Variants in SARS2 observed in about 807,000 individuals in gnomAD.
The protein encoded by SARS2 is serine--tRNA ligase, mitochondrial.
SARS2 carries 52 observed loss-of-function variants against 66.8 expected under a neutral mutation model. That is an observed-to-expected ratio of 0.78 (90% CI 0.62 to 0.98). The LOEUF (loss-of-function observed/expected upper bound fraction) is 0.98. Ranked by LOEUF, SARS2 falls within the 50% of genes least tolerant of loss-of-function variation. The pLI is 0.00. For missense variants in SARS2, 673 were observed against 706.3 expected (o/e 0.95, Z 0.53); for synonymous variants, 306 against 281.4 (o/e 1.09, Z -0.87).
In SARS2 at chr19:38,920,154, A is replaced by T. The variant is rs370612303; in HGVS notation, c.590-5T>A. On this transcript the variant is annotated splice_polypyrimidine_tract_variant and splice_region_variant and intron_variant, in intron 5 of 15. Coordinates refer to ENST00000221431, the MANE Select transcript of SARS2 (RefSeq NM_017827.4). The stretch of plus-strand genomic sequence containing the variant: ...CCCGAGGTTGGAAGGAGAAAACTGG[A>T]TGTGGGTGAAAAGCACCGGTGTAAG... 1.1e-3 allele frequency: 1,656 copies of T among 1,557,704 alleles called. 17 individuals carry two copies. The South Asian group carries it at 0.011, about 10-fold the overall frequency.
chr19:38,917,988 C>G lies in SARS2; in HGVS notation c.983G>C (p.Cys328Ser). 1 of 1,603,584 alleles carries G rather than the reference C, an allele frequency of 6.2e-7. No individual in the cohort carries two copies. The highest frequency in any genetic ancestry group is 8.5e-7 in the Non-Finnish European group (1 of 1,174,762). ...LPVRMVCSST[C>S]YRAETNTGQE... ...TCCCGTGTTTGTCTCTGCCCGGTAG[C>G]AGGTGCTGGAGCAAACCATCCTGGC... Residue 328 changes from cysteine to serine, a missense_variant, in exon 11 of 16, where the codon TGC (cysteine) becomes TCC (serine). Cys to Ser is a moderately radical substitution (Grantham distance 112). Transcript: ENST00000221431.
At chr19:38,923,160 C>T (rs1225990742) in intron 2 of SARS2, among the ~76,000 whole-genome samples, 1 of 150,544 alleles carries the variant, frequency 6.6e-6, no homozygotes, top group African/African-American at 2.4e-5. Flanking sequence ...CTGCCTTGGT[C>T]TCCCAAAGTG....
At chr19:38,929,698 G>A (rs1025135177) in intron 1 of SARS2, among the ~76,000 whole-genome samples, 4 of 152,098 alleles carry the variant, frequency 2.6e-5, no homozygotes, top group Non-Finnish European at 1.5e-5. Flanking sequence ...TGATAAAATG[G>A]GAGAAATAAT....
chr19:38,917,881 GC>G, intron 11 of SARS2, 39 bp downstream of exon 11: 27 of 1,612,656 alleles, frequency 1.7e-5, no homozygotes, highest in Non-Finnish European at 2.2e-5. Flanking sequence ...TCTTGGGGTG[GC>G]CCCCCACCCC....
Position 38,922,522 on chromosome 19 carries a change from C to T in SARS2, c.364-255G>A, listed in dbSNP as rs12977011. Among the ~76,000 whole-genome samples the T allele has an allele frequency of 0.21, 32,606 of 152,136 alleles. 4,145 individuals are homozygous for T. Among genetic ancestry groups the T allele is most frequent in the South Asian group, 0.35 (1,679 of 4,826 alleles). On this transcript the variant is annotated intron_variant, in intron 2 of 15. Coordinates refer to ENST00000221431, the MANE Select transcript of SARS2 (RefSeq NM_017827.4). ...TCCATGCCAGGCTCTATGTACAGGG[C>T]TCTCCCATGCCATGATTTCTTCAAA... is the stretch of plus-strand genomic sequence containing the variant.
intron 2 of SARS2, among the ~76,000 whole-genome samples, chr19:38,924,983 C>T (rs541486827): frequency 1.5e-4 from 23 of 152,256 alleles, no homozygotes; most frequent in Non-Finnish European, 2.6e-4. Flanking sequence ...GTTTTTAAGC[C>T]GTCTGTGGCA....
intron 12 of SARS2, among the ~76,000 whole-genome samples, chr19:38,916,972 T>A (rs962941745): frequency 2.6e-5 from 4 of 151,088 alleles, no homozygotes; most frequent in Non-Finnish European, 5.9e-5. Flanking sequence ...CTTTATTTTT[T>A]TTTTTTAGAG....
Position 38,930,535 on chromosome 19 carries a change from C to T in SARS2, c.202G>A (p.Glu68Lys), listed in dbSNP as rs1277293302. ...AGCTCCAGGGCGTGTGCGGCCTCTT[C>T]TGGGCATGCGCAGAACCGCTCTATG... is the stretch of plus-strand genomic sequence containing the variant. ...LDIERFCACP[E>K]EAAHALELRK... The change falls in exon 1 of 16, where the codon GAA becomes AAA. Residue 68 changes from glutamate (E) to lysine (K), a missense_variant. By Grantham distance (56) the Glu-to-Lys change is moderately conservative. Coordinates refer to ENST00000221431, the MANE Select transcript of SARS2 (RefSeq NM_017827.4). 6.2e-7 allele frequency: 1 copy of T among 1,613,444 alleles called. No homozygotes were observed. Among genetic ancestry groups the T allele is most frequent in the Non-Finnish European group, 8.5e-7 (1 of 1,180,004 alleles).
chr19:38,929,697 G>A (rs1425637574), intron 1 of SARS2, among the ~76,000 whole-genome samples: 1 of 152,076 alleles, frequency 6.6e-6, no homozygotes, highest in African/African-American at 2.4e-5. Flanking sequence ...CTGATAAAAT[G>A]GGAGAAATAA....
Position 38,915,650 on chromosome 19 carries a change from G to C in SARS2, c.1513C>G (p.Gln505Glu). The change falls in exon 16 of 16, where the codon CAG (glutamine) becomes GAG (glutamate). Residue 505 changes from glutamine (Q) to glutamate (E), a missense_variant. Physicochemically the swap from Gln to Glu is conservative, Grantham distance 29. Coordinates refer to ENST00000221431, the MANE Select transcript of SARS2 (RefSeq NM_017827.4). ...HVPLQYIGPN[Q>E]PRKPGLPGQP... ...CCAGGCAGCCCAGGCTTCCGGGGCT[G>C]GTTGGGGCCGATGTACTGGAGAGGC... 6.2e-7 allele frequency: 1 copy of C among 1,612,582 alleles called. No homozygotes were observed. The highest frequency in any genetic ancestry group is 8.5e-7 in the Non-Finnish European group (1 of 1,179,306).
At chr19:38,922,908 T>C in intron 2 of SARS2, among the ~76,000 whole-genome samples, 1 of 79,496 alleles carries the variant, frequency 1.3e-5, no homozygotes, top group Non-Finnish European at 2.3e-5. Flanking sequence ...TCAGGTATTC[T>C]TTTTTTTTTT....
intron 12 of SARS2, among the ~76,000 whole-genome samples, 156 bp from the exon 13 acceptor site, chr19:38,916,470 CAA>C (rs1169539829): frequency 2.0e-5 from 3 of 151,528 alleles, no homozygotes; most frequent in African/African-American, 7.3e-5. Context: ...TCATCTACTC[CAA>C]AAAAACAAAC....
chr19:38,926,387 C>G, intron 1 of SARS2, 87 bp from the exon 2 acceptor site: 1 of 1,228,604 alleles, frequency 8.1e-7, no homozygotes, highest in Non-Finnish European at 1.2e-6. Context: ...GGACCTGCGG[C>G]GCAGTGAGGC....
At chr19:38,922,967 G>A (rs1974564580) in intron 2 of SARS2, among the ~76,000 whole-genome samples, 1 of 150,318 alleles carries the variant, frequency 6.7e-6, no homozygotes, top group Non-Finnish European at 1.5e-5. Flanking sequence ...GCAATGGCGC[G>A]ATCTTGGCTC....
At position 38,926,190 on chromosome 19, in the gene SARS2, G is replaced by A; in HGVS notation, c.363+15C>T. ...CTCGTGGCCACTCCCCACCTACTCA[G>A]GGCACCATGCTCACCAGCAGGGCCC... is the stretch of plus-strand genomic sequence containing the variant. On this transcript the variant is annotated intron_variant, in intron 2 of 15. Transcript: ENST00000221431. 6.2e-7 allele frequency: 1 copy of A among 1,601,720 alleles called. No individual in the cohort carries two copies. The highest frequency in any genetic ancestry group is 8.5e-7 in the Non-Finnish European group (1 of 1,177,156).
chr19:38,930,486 G>A lies in SARS2; in HGVS notation c.251C>T (p.Ala84Val), dbSNP rs1012224485. 6.3e-7 allele frequency: 1 copy of A among 1,599,758 alleles called. No homozygotes were observed. ...CGCACTCACGATCGCGGGCAGGTCC[G>A]CCGAGCGCAGCTCCCCCTTGCGGAG... The part of the protein sequence containing the change: ...LELRKGELRS[A>V]DLPAIISTWQ... The change falls in exon 1 of 16, where the codon GCG (alanine) becomes GTG (valine). Residue 84 changes from alanine to valine, a missense_variant. Physicochemically the swap from Ala to Val is moderately conservative, Grantham distance 64 (BLOSUM62 0). Transcript: ENST00000221431.
At chr19:38,922,963 G>A (rs1382832551) in intron 2 of SARS2, among the ~76,000 whole-genome samples, 1 of 151,158 alleles carries the variant, frequency 6.6e-6, no homozygotes, top group East Asian at 1.9e-4. Flanking sequence ...GAGTGCAATG[G>A]CGCGATCTTG....
intron 11 of SARS2, 43 bp from the exon 12 acceptor site, chr19:38,917,876 G>C (rs368705117): frequency 1.3e-5 from 21 of 1,613,152 alleles, no homozygotes; most frequent in Non-Finnish European, 1.7e-5. Context: ...TGAGCTCTTG[G>C]GGTGGCCCCC....
intron 12 of SARS2, 30 bp downstream of exon 12, chr19:38,917,694 C>CCA: frequency 8.5e-7 from 1 of 1,177,488 alleles, no homozygotes; most frequent in Non-Finnish European, 1.3e-6. Flanking sequence ...CCACCCCTGC[C>CCA]ATCCCTGGAT....
Sources: gnomAD v4.1 joint callset for allele counts (sites outside exome capture counted in the v4.1 genomes callset) on GRCh38, gnomAD v4.1.1 for gene constraint, MANE v1.5 for transcripts, NCBI Gene and HGNC (gene_info 2026-07-23, HGNC 2026-07-21) for gene names.